The following OPRK1 variants were observed in gnomAD, a reference collection of about 807,000 sequenced individuals.
The protein encoded by OPRK1 is kappa-type opioid receptor.
A neutral mutation model predicts 24.5 loss-of-function variants in OPRK1; 15 were observed. The ratio of observed to expected loss-of-function variants is 0.61; its 90% confidence interval spans 0.41 to 0.94. The LOEUF (loss-of-function observed/expected upper bound fraction) is 0.94. Among genes scored for constraint, OPRK1 ranks in the 40% least tolerant of loss-of-function variants. The pLI, the probability that OPRK1 is intolerant of heterozygous loss-of-function variation, is 0.00. For missense variants in OPRK1, 479 were observed against 507.3 expected (o/e 0.94, Z 0.54); for synonymous variants, 205 against 198.0 (o/e 1.04, Z -0.30).
chr8:53,233,330 G>A (rs748599666), intron 3 of OPRK1, among the ~76,000 whole-genome samples: 1 of 152,100 alleles, frequency 6.6e-6, no homozygotes, highest in Non-Finnish European at 1.5e-5. Flanking sequence ...GCCTGTGTGG[G>A]GTAAATGGAG....
intron 2 of OPRK1, among the ~76,000 whole-genome samples, chr8:53,247,944 T>A (rs1364772064): frequency 7.8e-6 from 1 of 129,000 alleles, no homozygotes; most frequent in East Asian, 2.3e-4. Context: ...TGAGCTGAGA[T>A]CATGCCGCTG....
intron 3 of OPRK1, 22 bp downstream of exon 3, chr8:53,234,737 A>G: frequency 5.1e-6 from 8 of 1,580,020 alleles, no homozygotes; most frequent in Non-Finnish European, 6.9e-6. Flanking sequence ...TTTTATGAAC[A>G]GAATGAAATG....
intron 2 of OPRK1, among the ~76,000 whole-genome samples, chr8:53,244,826 T>G (rs1483080667): frequency 1.3e-5 from 2 of 152,218 alleles, no homozygotes; most frequent in African/African-American, 4.8e-5. Flanking sequence ...AATTCCTATG[T>G]TGGAGTCCTA....
chr8:53,250,485 T>C (rs1807348898), intron 2 of OPRK1, among the ~76,000 whole-genome samples: 2 of 152,126 alleles, frequency 1.3e-5, no homozygotes, highest in African/African-American at 4.8e-5. Context: ...GCCCTGCGCA[T>C]AGAGTTTTCA....
intron 2 of OPRK1, among the ~76,000 whole-genome samples, chr8:53,245,857 C>A (rs1252826907): frequency 6.6e-6 from 1 of 152,094 alleles, no homozygotes; most frequent in Non-Finnish European, 1.5e-5. Flanking sequence ...AAAATGGGGC[C>A]TGATCCAATC....
chr8:53,237,506 G>T (rs10958350), intron 2 of OPRK1, among the ~76,000 whole-genome samples: 2 of 152,128 alleles, frequency 1.3e-5, no homozygotes, highest in Non-Finnish European at 2.9e-5. Context: ...AAGTGCCTGC[G>T]TCAGGACCTC....
At chr8:53,234,648 C>G (rs536043739) in intron 3 of OPRK1, 111 bp downstream of exon 3, 1 of 909,248 alleles carries the variant, frequency 1.1e-6, no homozygotes, top group African/African-American at 1.7e-5. Flanking sequence ...ACATTTCCGT[C>G]GTCTTTTGGC....
In OPRK1 at chr8:53,249,897, C is replaced by G. The variant is rs569615842; in HGVS notation, c.257+884G>C. On this transcript the variant is annotated intron_variant, in intron 2 of 3. Transcript: ENST00000265572. ...CTCTCACAGGTGTGTTGACAAAGCTCTAGTGCTCCCAGAAAAGGAAACACA... is the reference window on the plus strand; with the variant it reads ...CTCTCACAGGTGTGTTGACAAAGCTGTAGTGCTCCCAGAAAAGGAAACACA... 2.6e-5 allele frequency among the ~76,000 whole-genome samples: 4 copies of G among 152,306 alleles called. No individual in the cohort carries two copies. The South Asian group carries it at 8.3e-4, about 32-fold the overall frequency.
intron 2 of OPRK1, among the ~76,000 whole-genome samples, chr8:53,237,565 C>T (rs1807023422): frequency 3.3e-5 from 5 of 152,192 alleles, no homozygotes; most frequent in Admixed American, 3.3e-4. Flanking sequence ...ACAGTCACTT[C>T]ATGTGGTAGG....
At chr8:53,232,919 TAG>T (rs1352574674) in intron 3 of OPRK1, among the ~76,000 whole-genome samples, 2 of 152,228 alleles carry the variant, frequency 1.3e-5, no homozygotes, top group African/African-American at 2.4e-5. Context: ...TGGAAAATAT[TAG>T]AGTCAACATT....
intron 2 of OPRK1, chr8:53,238,534 G>C: frequency 1.0e-6 from 1 of 985,490 alleles, no homozygotes; most frequent in Non-Finnish European, 1.2e-6. Flanking sequence ...AACTTGAGTT[G>C]TGAGCACCGG....
At chr8:53,248,583 A>G (rs1329496814) in intron 2 of OPRK1, among the ~76,000 whole-genome samples, 1 of 152,216 alleles carries the variant, frequency 6.6e-6, no homozygotes, top group Non-Finnish European at 1.5e-5. Flanking sequence ...ATTTCCTAAG[A>G]TAAATAAACC....
rs781499252 is a variant in OPRK1 at position 53,229,811 on chromosome 8, C to T, written c.629G>A (p.Cys210Tyr). The T allele has an allele frequency of 1.9e-6, 3 of 1,568,478 alleles. No homozygotes were observed. The South Asian group carries it at 3.6e-5, about 19-fold the overall frequency. ...KVREDVDVIE[C>Y]SLQFPDDDYS... The stretch of plus-strand genomic sequence containing the variant: ...GTCATCATCTGGGAACTGCAAGGAG[C>T]ACTCAATGACATCGACGTCTGGAGG... Residue 210 changes from cysteine (C) to tyrosine (Y), a missense_variant, in exon 4 of 4, where the codon TGC (cysteine) becomes TAC (tyrosine). Physicochemically the swap from Cys to Tyr is radical, Grantham distance 194 (BLOSUM62 -2). Coordinates refer to ENST00000265572, the MANE Select transcript of OPRK1 (RefSeq NM_000912.5).
intron 2 of OPRK1, among the ~76,000 whole-genome samples, chr8:53,235,978 T>G (rs950644866): frequency 1.3e-5 from 2 of 152,172 alleles, no homozygotes; most frequent in Non-Finnish European, 2.9e-5. Context: ...CAAATATCCA[T>G]AGAGTATTAA....
chr8:53,242,132 A>G (rs1471176408), intron 2 of OPRK1, among the ~76,000 whole-genome samples: 2 of 152,214 alleles, frequency 1.3e-5, no homozygotes, highest in African/African-American at 4.8e-5. Context: ...TCCTATTTTT[A>G]TACAGAAAGC....
intron 2 of OPRK1, among the ~76,000 whole-genome samples, chr8:53,242,044 C>T (rs186276713): frequency 2.3e-4 from 35 of 152,328 alleles, no homozygotes; most frequent in African/African-American, 7.5e-4. Context: ...AATGGCACCT[C>T]GCTAATGACT....
At position 53,229,177 on chromosome 8, in the gene OPRK1, C is replaced by A; in HGVS notation, c.*120G>T. The A allele has an allele frequency of 7.9e-7, 1 of 1,266,934 alleles. No individual in the cohort carries two copies. The highest frequency in any genetic ancestry group is 1.1e-6 in the Non-Finnish European group (1 of 929,862). The allele number at this position is 1,266,934 out of a possible 1,614,324, so 78.5% of individuals were successfully genotyped here. The stretch of plus-strand genomic sequence containing the variant: ...CTGATGACTTCAGACCATGAGATCT[C>A]TAAAAGTTTATTTTAAATTCTATCT... On this transcript the variant is annotated 3_prime_UTR_variant, in exon 4 of 4. Transcript: ENST00000265572.
At chr8:53,246,281 G>A (rs1010499318) in intron 2 of OPRK1, among the ~76,000 whole-genome samples, 4 of 152,114 alleles carry the variant, frequency 2.6e-5, no homozygotes, top group African/African-American at 7.2e-5. Flanking sequence ...GGCCTAAAAC[G>A]AGCATCTGAA....
chr8:53,229,183 G>T lies in OPRK1; in HGVS notation c.*114C>A. ...ACTTCAGACCATGAGATCTCTAAAA[G>T]TTTATTTTAAATTCTATCTTTTCAT... is the stretch of plus-strand genomic sequence containing the variant. On this transcript the variant is annotated 3_prime_UTR_variant, in exon 4 of 4. Coordinates refer to ENST00000265572, the MANE Select transcript of OPRK1 (RefSeq NM_000912.5). The T allele has an allele frequency of 7.6e-7, 1 of 1,311,176 alleles. No individual in the cohort carries two copies. Among genetic ancestry groups the T allele is most frequent in the Non-Finnish European group, 1.0e-6 (1 of 964,028 alleles). The allele number at this position is 1,311,176 out of a possible 1,614,324, so 81.2% of individuals were successfully genotyped here. A position where few individuals can be genotyped will look rare whatever the true frequency, so the allele number is the denominator to read the frequency against.
Sources: allele counts gnomAD v4.1 joint callset (sites outside exome capture counted in the v4.1 genomes callset), GRCh38; gene constraint gnomAD v4.1.1; transcripts MANE v1.5; gene names NCBI Gene and HGNC (gene_info 2026-07-23, HGNC 2026-07-21).